The following ROBO2 variants were observed in gnomAD, a reference collection of about 807,000 sequenced individuals.
The protein encoded by ROBO2 is roundabout guidance receptor 2.
A neutral mutation model predicts 160.8 loss-of-function variants in ROBO2; 53 were observed. The ratio of observed to expected loss-of-function variants is 0.33; its 90% confidence interval spans 0.26 to 0.41. The LOEUF (loss-of-function observed/expected upper bound fraction) is 0.41. Among genes scored for constraint, ROBO2 ranks in the 10% least tolerant of loss-of-function variants. The pLI, the probability that ROBO2 is intolerant of heterozygous loss-of-function variation, is 1.00. For missense variants in ROBO2, 1,577 were observed against 1,722.4 expected (o/e 0.92, Z 1.49); for synonymous variants, 664 against 611.7 (o/e 1.09, Z -1.26).
intron 2 of ROBO2, among the ~76,000 whole-genome samples, chr3:76,204,528 C>T (rs1702708419): frequency 6.6e-6 from 1 of 152,088 alleles, no homozygotes; most frequent in South Asian, 2.1e-4. Context: ...AAAATATATC[C>T]TTCTAATCAA....
At chr3:76,028,637 A>G (rs1466571894) in intron 2 of ROBO2, among the ~76,000 whole-genome samples, 2 of 151,896 alleles carry the variant, frequency 1.3e-5, no homozygotes, top group African/African-American at 4.8e-5. Context: ...TAAGAAAAAA[A>G]TGTTTAACTA....
intron 2 of ROBO2, among the ~76,000 whole-genome samples, chr3:76,226,440 T>C (rs1487729780): frequency 8.5e-5 from 13 of 152,084 alleles, no homozygotes; most frequent in Admixed American, 7.9e-4. Flanking sequence ...GAATAAGGGT[T>C]GTTGTGGTCA....
At chr3:77,209,072 C>A (rs4684019) in intron 2 of ROBO2, among the ~76,000 whole-genome samples, 1 of 151,880 alleles carries the variant, frequency 6.6e-6, no homozygotes, top group African/African-American at 2.4e-5. Flanking sequence ...AAAGCAGGCA[C>A]GATCTTCTAA....
intron 2 of ROBO2, among the ~76,000 whole-genome samples, chr3:76,531,756 T>C (rs976038096): frequency 6.6e-6 from 1 of 152,068 alleles, no homozygotes; most frequent in Non-Finnish European, 1.5e-5. Flanking sequence ...AACACTATTT[T>C]CTTAATTTTC....
At chr3:76,179,941 A>C (rs948456454) in intron 2 of ROBO2, among the ~76,000 whole-genome samples, 1 of 152,168 alleles carries the variant, frequency 6.6e-6, no homozygotes, top group Non-Finnish European at 1.5e-5. Context: ...GTTTACAACT[A>C]TAGAACCGGT....
At chr3:77,175,773 G>T (rs1196658517) in intron 2 of ROBO2, among the ~76,000 whole-genome samples, 2 of 151,982 alleles carry the variant, frequency 1.3e-5, no homozygotes, top group African/African-American at 2.4e-5. Context: ...ATAAGGAGCT[G>T]CTATCTGAAC....
At chr3:76,948,900 ATATATATATTTTTT>A (rs1203618137) in intron 2 of ROBO2, among the ~76,000 whole-genome samples, 1,027 of 41,726 alleles carry the variant, frequency 0.025, 4 homozygotes, top group Middle Eastern at 0.054. Context: ...ATATATATAT[ATATATATATTTTTT>A]TTTTTTTTTT....
chr3:76,215,084 G>C (rs1025105492), intron 2 of ROBO2, among the ~76,000 whole-genome samples: 2 of 152,164 alleles, frequency 1.3e-5, no homozygotes, highest in Non-Finnish European at 2.9e-5. Flanking sequence ...AACTCCAACA[G>C]ACCTGCAGCT....
At chr3:76,133,835 G>A (rs556354601) in intron 2 of ROBO2, among the ~76,000 whole-genome samples, 1 of 152,082 alleles carries the variant, frequency 6.6e-6, no homozygotes, top group South Asian at 2.1e-4. Flanking sequence ...CACCCAGATC[G>A]AGGGTGGATC....
At chr3:75,974,976 C>T (rs1414244852) in intron 2 of ROBO2, among the ~76,000 whole-genome samples, 1 of 151,312 alleles carries the variant, frequency 6.6e-6, no homozygotes, top group African/African-American at 2.4e-5. Context: ...TATTTTTAAC[C>T]TGTCCTCAAA....
At chr3:77,024,576 C>A (rs2062839772) in intron 2 of ROBO2, among the ~76,000 whole-genome samples, 2 of 152,040 alleles carry the variant, frequency 1.3e-5, no homozygotes, top group African/African-American at 4.8e-5. Context: ...GATTTGTGGA[C>A]TCTAACTATA....
chr3:77,617,375 A>G (rs2094804012), intron 21 of ROBO2, 138 bp from the exon 23 acceptor site: 1 of 921,408 alleles, frequency 1.1e-6, no homozygotes, highest in Admixed American at 2.0e-5. Flanking sequence ...CTGTGGTGAC[A>G]CCAACAGCTT....
chr3:76,945,692 A>G lies in ROBO2; in HGVS notation c.110-152322A>G, dbSNP rs536246271. On this transcript the variant is annotated intron_variant, in intron 2 of 26. Transcript: ENST00000487694. ...TTTTAACTGCCATGTCCTCAAGGTC[A>G]CTAATCATTTTTCAGCAATTTCTTA... Among the ~76,000 whole-genome samples, 6 of 152,242 alleles carry G rather than the reference A, an allele frequency of 3.9e-5. No individual in the cohort carries two copies. The South Asian group carries it at 8.3e-4, about 21-fold the overall frequency.
intron 2 of ROBO2, among the ~76,000 whole-genome samples, chr3:76,007,971 C>T (rs114945722): frequency 0.011 from 1,737 of 152,044 alleles, 34 homozygotes; most frequent in African/African-American, 0.038. Flanking sequence ...AGTCTGGGCA[C>T]GGTGCCTCAC....
At chr3:76,334,598 T>C (rs1207955055) in intron 2 of ROBO2, among the ~76,000 whole-genome samples, 2 of 151,978 alleles carry the variant, frequency 1.3e-5, no homozygotes, top group Non-Finnish European at 2.9e-5. Context: ...GGAGCAAGAG[T>C]CACATAGGCA....
intron 2 of ROBO2, among the ~76,000 whole-genome samples, chr3:76,100,864 A>T (rs538765458): frequency 3.9e-4 from 59 of 152,270 alleles, no homozygotes; most frequent in African/African-American, 1.4e-3. Flanking sequence ...TTTAACATGG[A>T]TTTATTATGT....
intron 24 of ROBO2, among the ~76,000 whole-genome samples, chr3:77,638,134 T>C (rs1422973492): frequency 1.3e-5 from 2 of 152,218 alleles, no homozygotes; most frequent in Non-Finnish European, 1.5e-5. Flanking sequence ...TTAAGAACAT[T>C]GTTATTTTGC....
chr3:77,473,174 C>A (rs887905872), intron 2 of ROBO2, among the ~76,000 whole-genome samples: 4 of 152,056 alleles, frequency 2.6e-5, no homozygotes, highest in South Asian at 2.1e-4. Flanking sequence ...GTGTCATTTA[C>A]ACAGAGCGTG....
chr3:77,296,363 C>T (rs971437811), intron 2 of ROBO2, among the ~76,000 whole-genome samples: 13 of 151,644 alleles, frequency 8.6e-5, no homozygotes, highest in Admixed American at 1.3e-4. Context: ...GTAAAATTGA[C>T]GGTTAAACGG....
Sources: allele counts gnomAD v4.1 joint callset (sites outside exome capture counted in the v4.1 genomes callset), GRCh38; gene constraint gnomAD v4.1.1; transcripts MANE v1.5; gene names NCBI Gene and HGNC (gene_info 2026-07-23, HGNC 2026-07-21).